RILPL1: variants seen among roughly 807,000 people sequenced by gnomAD.
RILPL1 encodes Rab interacting lysosomal protein like 1, also known as RILP-like protein 1.
RILPL1 carries 33 observed loss-of-function variants against 50.3 expected under a neutral mutation model. The observed-to-expected ratio is 0.66, with a 90% CI of 0.50 to 0.88. RILPL1 has a LOEUF of 0.88. Ranked by LOEUF, RILPL1 falls within the 40% of genes least tolerant of loss-of-function variation. The probability of loss-of-function intolerance (pLI) is 0.00; values close to 1 mark genes in which losing one functional copy is unlikely to be tolerated. For missense variants in RILPL1, 418 were observed against 542.5 expected, an observed-to-expected ratio of 0.77 and a Z score of 2.28; for synonymous variants, 205 against 228.6, an observed-to-expected ratio of 0.90 and a Z score of 0.93.
At chr12:123,504,086 A>G (rs926279931) in intron 2 of RILPL1, among the ~76,000 whole-genome samples, 2 of 151,944 alleles carry the variant, frequency 1.3e-5, no homozygotes, top group African/African-American at 4.8e-5. Context: ...CACAGGTTCT[A>G]GGAACTAGGA....
chr12:123,521,650 TACAC>T (rs1487452684), intron 2 of RILPL1, among the ~76,000 whole-genome samples: 6 of 24,254 alleles, frequency 2.5e-4, no homozygotes, highest in Admixed American at 6.9e-4. Flanking sequence ...TGTATATATA[TACAC>T]ATATATGTAT....
intron 1 of RILPL1, among the ~76,000 whole-genome samples, chr12:123,531,204 C>T (rs1460056652): frequency 6.6e-6 from 1 of 151,934 alleles, no homozygotes; most frequent in Non-Finnish European, 1.5e-5. Flanking sequence ...AGAATTGCAT[C>T]CTTGATTTAG....
intron 4 of RILPL1, among the ~76,000 whole-genome samples, chr12:123,497,837 G>C (rs1260790292): frequency 6.6e-6 from 1 of 152,172 alleles, no homozygotes; most frequent in Non-Finnish European, 1.5e-5. Flanking sequence ...TACAAGTGCA[G>C]GTGACCACAC....
At chr12:123,497,865 G>C (rs1308755268) in intron 4 of RILPL1, among the ~76,000 whole-genome samples, 1 of 152,174 alleles carries the variant, frequency 6.6e-6, no homozygotes, top group Non-Finnish European at 1.5e-5. Context: ...TCATGTAAAA[G>C]TTTGAACACC....
chr12:123,488,145 A>C (rs759636477), intron 4 of RILPL1, among the ~76,000 whole-genome samples: 1 of 152,070 alleles, frequency 6.6e-6, no homozygotes, highest in East Asian at 1.9e-4. Context: ...CAACCTCAAG[A>C]AAAACTCCAT....
chr12:123,484,703 C>T (rs1882215603), intron 5 of RILPL1: 2 of 200,338 alleles, frequency 1.0e-5, no homozygotes, highest in Non-Finnish European at 2.0e-5. Flanking sequence ...TGCCCAGGCT[C>T]GAGTGCAGTG....
At position 123,505,449 on chromosome 12, in the gene RILPL1, C is replaced by G. The variant is rs75906737; in HGVS notation, c.461-5913G>C. ...AGTGATTCTCCCATCTCAGCCTCCC[C>G]AGGACCTGGGACCACTGCGTGCACC... On this transcript the variant is annotated intron_variant, in intron 2 of 6. Transcript: ENST00000376874. 8.5e-3 allele frequency among the ~76,000 whole-genome samples: 1,292 copies of G among 151,966 alleles called. 9 individuals are homozygous for G. Among genetic ancestry groups the G allele is most frequent in the African/African-American group, 0.026 (1,075 of 41,472 alleles).
rs573713597 is a variant in RILPL1, at chr12:123,523,760, G to C, written c.310-115C>G. The C allele has an allele frequency of 5.7e-6, 7 of 1,238,296 alleles. No homozygotes were observed. The African/African-American group carries it at 1.1e-4, about 19-fold the overall frequency. The allele number at this position is 1,238,296 out of a possible 1,614,324, so 76.7% of individuals were successfully genotyped here. ...GGGACTTTGGGCCATCCCCTTCCTC[G>C]TGAGAACTGGGCCGGCAAGGCCACC... is the stretch of plus-strand genomic sequence containing the variant. On this transcript the variant is annotated intron_variant, in intron 1 of 6. Transcript: ENST00000376874.
At chr12:123,528,914 G>A (rs1885358272) in intron 1 of RILPL1, among the ~76,000 whole-genome samples, 1 of 151,920 alleles carries the variant, frequency 6.6e-6, no homozygotes, top group Non-Finnish European at 1.5e-5. Context: ...AGTCAGCCCT[G>A]ATCAATCATC....
chr12:123,491,193 T>C lies in RILPL1; in HGVS notation c.802-5388A>G, dbSNP rs1001959184. On this transcript the variant is annotated intron_variant, in intron 4 of 6. Transcript: ENST00000376874. The surrounding 1 kb of genome is among the most constrained non-coding windows in gnomAD (Gnocchi z 4.0). ...AGACTGGGAGGGACCAAGGAGGCTC[T>C]TTCCAAGATGGCAATCGAGCTCCAT... is the stretch of plus-strand genomic sequence containing the variant. Among the ~76,000 whole-genome samples, 11 of 152,206 alleles carry C rather than the reference T, an allele frequency of 7.2e-5. No homozygotes were observed. Among genetic ancestry groups the C allele is most frequent in the African/African-American group, 1.9e-4 (8 of 41,446 alleles).
chr12:123,521,663 A>G lies in RILPL1; in HGVS notation c.460+1832T>C, dbSNP rs1218056976. ...TGTGTATATATATACACATATATGT[A>G]TATATATAAATATATATATATACAC... is the stretch of plus-strand genomic sequence containing the variant. On this transcript the variant is annotated intron_variant, in intron 2 of 6. Coordinates refer to ENST00000376874, the MANE Select transcript of RILPL1 (RefSeq NM_178314.5). Among the ~76,000 whole-genome samples the G allele has an allele frequency of 4.6e-4, 3 of 6,514 alleles. 1 individual carries two copies. The highest frequency in any genetic ancestry group is 9.0e-4 in the African/African-American group (3 of 3,344). 4.3% of individuals were successfully genotyped at this position (6,514 alleles called of 152,430 possible).
In RILPL1 at chr12:123,498,685, T is replaced by C. The variant is rs768369540; in HGVS notation, c.660A>G (p.Lys220=). The C allele has an allele frequency of 4.8e-5, 78 of 1,613,658 alleles. No individual in the cohort carries two copies. Among genetic ancestry groups the C allele is most frequent in the Non-Finnish European group, 6.4e-5 (76 of 1,179,894 alleles). Residue 220 remains lysine (K), a synonymous_variant, in exon 4 of 7, where the codon AAA becomes AAG. Transcript: ENST00000376874. The surrounding 1 kb of genome is among the most constrained non-coding windows in gnomAD (Gnocchi z 4.3). ...GCTCCACCTTCTGTTCGATCAGGGC[T>C]TTCCCCTGGGCCTCCACCACCGTGA... The part of the protein sequence containing the change: ...HRVTVVEAQG[K]ALIEQKVELE...
intron 2 of RILPL1, among the ~76,000 whole-genome samples, chr12:123,516,114 A>G (rs576666487): frequency 6.6e-6 from 1 of 150,410 alleles, no homozygotes; most frequent in Admixed American, 6.7e-5. Context: ...GTTAGTGGTC[A>G]TGTAGGAGCT....
At chr12:123,481,558 TC>T (rs1251430375) in intron 6 of RILPL1, among the ~76,000 whole-genome samples, 3 of 147,192 alleles carry the variant, frequency 2.0e-5, no homozygotes, top group Non-Finnish European at 4.4e-5. Context: ...AAATTTGTTT[TC>T]TTTTTTTTTT....
chr12:123,527,284 T>C (rs1025256244), intron 1 of RILPL1, among the ~76,000 whole-genome samples: 32 of 151,634 alleles, frequency 2.1e-4, no homozygotes, highest in Admixed American at 1.8e-3. Flanking sequence ...TGAGCTGTGA[T>C]TGCACCACAG....
At chr12:123,529,862 C>T (rs1415862347) in intron 1 of RILPL1, among the ~76,000 whole-genome samples, 10 of 130,298 alleles carry the variant, frequency 7.7e-5, no homozygotes, top group South Asian at 5.6e-4. Context: ...TGACAGAGTA[C>T]GTCCCTGACT....
chr12:123,500,831 G>A (rs536062198), intron 2 of RILPL1, among the ~76,000 whole-genome samples: 3 of 152,100 alleles, frequency 2.0e-5, no homozygotes, highest in Admixed American at 6.6e-5. Context: ...TGGGCCAGGC[G>A]TGGTGGCTCA....
At chr12:123,512,841 CTG>C (rs1248391286) in intron 2 of RILPL1, among the ~76,000 whole-genome samples, 19 of 76,852 alleles carry the variant, frequency 2.5e-4, no homozygotes, top group South Asian at 4.6e-4. Flanking sequence ...TCTGTGTGTG[CTG>C]TGTGAGGTTT....
intron 6 of RILPL1, chr12:123,475,827 C>T (rs1881553237): frequency 9.2e-6 from 8 of 870,376 alleles, no homozygotes; most frequent in African/African-American, 1.7e-5. Context: ...CCACAGACAC[C>T]AGTGGAAGGG....
Sources: gnomAD v4.1 joint callset for allele counts (sites outside exome capture counted in the v4.1 genomes callset) on GRCh38, gnomAD v4.1.1 for gene constraint, Gnocchi (gnomAD v3.1) non-coding constraint, MANE v1.5 for transcripts, NCBI Gene and HGNC (gene_info 2026-07-23, HGNC 2026-07-21) for gene names.